The following MIS18BP1 variants were observed in gnomAD, a reference collection of about 807,000 sequenced individuals.
MIS18BP1 encodes mis18-binding protein 1.
Under a neutral mutation model 116.1 loss-of-function variants are expected in MIS18BP1, and 72 were observed. The ratio of observed to expected loss-of-function variants is 0.62; its 90% CI spans 0.51 to 0.75. The LOEUF (loss-of-function observed/expected upper bound fraction) is 0.75, where lower values mean the gene tolerates loss of function less well. MIS18BP1 is among the 30% of genes least tolerant of loss of function. The pLI, the probability that MIS18BP1 is intolerant of heterozygous loss-of-function variation, is 0.00. For synonymous variants in MIS18BP1, 386 were observed against 427.0 expected, an observed-to-expected ratio of 0.90 and a Z score of 1.18; for missense variants, 1,363 against 1,303.2, an observed-to-expected ratio of 1.05 and a Z score of -0.71.
chr14:45,224,046 A>C lies in MIS18BP1; in HGVS notation c.2541T>G (p.Gly847=). 6.2e-7 allele frequency: 1 copy of C among 1,613,872 alleles called. No individual in the cohort carries two copies. Among genetic ancestry groups the C allele is most frequent in the Non-Finnish European group, 8.5e-7 (1 of 1,179,964 alleles). The change falls in exon 11 of 17, where the codon GGT becomes GGG. Residue 847 remains glycine, a synonymous_variant. Transcript: ENST00000310806. ...PSVKETLQKS[G]VRKEFPITEA... ...CAGTAATTGGAAACTCTTTCCTAAC[A>C]CCAGACTTCTGAAGAGTTTCTTTGA...
rs2139167644 is a variant in MIS18BP1, at chr14:45,218,556, G to C, written c.2670-102C>G. On this transcript the variant is annotated intron_variant, in intron 11 of 16. Transcript: ENST00000310806. ...ATTGATGAGATTTACTGAGATGAAGGAATCAGTTTTATCAAAATCATTCTG... is the reference window on the plus strand; with the variant it reads ...ATTGATGAGATTTACTGAGATGAAGCAATCAGTTTTATCAAAATCATTCTG... 2.8e-6 allele frequency: 3 copies of C among 1,082,850 alleles called. No individual in the cohort carries two copies. The East Asian group carries it at 8.3e-5, about 30-fold the overall frequency. 67.1% of individuals were successfully genotyped at this position (1,082,850 alleles called of 1,614,324 possible).
At chr14:45,232,876 A>G (rs971473494) in intron 6 of MIS18BP1, 56 bp from the exon 7 acceptor site, 2 of 808,670 alleles carry the variant, frequency 2.5e-6, no homozygotes, top group East Asian at 2.7e-5. Context: ...TTTTAAACAG[A>G]TATCATTAAT....
chr14:45,231,429 A>T, intron 7 of MIS18BP1, 131 bp from the exon 8 acceptor site: 1 of 738,920 alleles, frequency 1.4e-6, no homozygotes, highest in South Asian at 2.2e-5. Flanking sequence ...CTTTAATCTT[A>T]CATTATTAAT....
rs745945937 is a variant in MIS18BP1, at chr14:45,210,461, G to A, written c.3071C>T (p.Thr1024Ile). 2.5e-6 allele frequency: 4 copies of A among 1,613,872 alleles called. No individual in the cohort carries two copies. Among genetic ancestry groups the A allele is most frequent in the Admixed American group, 1.7e-5 (1 of 59,990 alleles). ...CAATGGAAAGATAACTGATGATGGA[G>A]TTGTTGGATTTTTGTCCATATTTGG... ...ILPNMDKNPT[T>I]PSSVIFPLVK... Residue 1024 changes from threonine to isoleucine, a missense_variant, in exon 14 of 17, where the codon ACT (threonine) becomes ATT (isoleucine). Transcript: ENST00000310806.
intron 4 of MIS18BP1, among the ~76,000 whole-genome samples, chr14:45,239,175 T>A (rs994889482): frequency 6.6e-6 from 1 of 152,172 alleles, no homozygotes; most frequent in Admixed American, 6.5e-5. Context: ...TTCTACACAC[T>A]GTTTTAGATA....
chr14:45,217,278 G>A, intron 12 of MIS18BP1, 99 bp from the exon 13 acceptor site: 5 of 1,389,060 alleles, frequency 3.6e-6, no homozygotes, highest in Non-Finnish European at 4.9e-6. Context: ...GTGCATTCAT[G>A]TTAAAAAAAA....
chr14:45,227,694 T>G lies in MIS18BP1; in HGVS notation c.1715A>C (p.Gln572Pro). ...FPDDQVNNTI[Q>P]NGGGDDLSNQ... ...AGATAAGTCATCTCCTCCTCCATTT[T>G]GAATAGTATTATTTACTTGGTCATC... The change falls in exon 9 of 17, where the codon CAA (glutamine) becomes CCA (proline). Residue 572 changes from glutamine (Q) to proline (P), a missense_variant. Gln to Pro is a moderately conservative substitution (Grantham distance 76). Coordinates refer to ENST00000310806, the MANE Select transcript of MIS18BP1 (RefSeq NM_018353.5). The G allele has an allele frequency of 6.2e-7, 1 of 1,613,722 alleles. No homozygotes were observed. The highest frequency in any genetic ancestry group is 8.5e-7 in the Non-Finnish European group (1 of 1,179,618).
In MIS18BP1 at chr14:45,204,034, C is replaced by T. The variant is rs1890438840; in HGVS notation, c.*75G>A. On this transcript the variant is annotated 3_prime_UTR_variant, in exon 17 of 17. Transcript: ENST00000310806. The stretch of plus-strand genomic sequence containing the variant: ...AGGAAGCTACTTTACAAAGAAAATA[C>T]ATGTACTCCAGTTGAAAATACAAAC... 3 of 1,532,818 alleles carry T rather than the reference C, an allele frequency of 2.0e-6. No homozygotes were observed. Among genetic ancestry groups the T allele is most frequent in the East Asian group, 2.4e-5 (1 of 42,104 alleles). The allele number at this position is 1,532,818 out of a possible 1,614,324, so 95.0% of individuals were successfully genotyped here. A position where few individuals can be genotyped will look rare whatever the true frequency, so the allele number is the denominator to read the frequency against.
rs1190568988 is a variant in MIS18BP1, at chr14:45,217,308, G to A, written c.2843-129C>T. 4.6e-6 allele frequency: 5 copies of A among 1,077,344 alleles called. No homozygotes were observed. In the Admixed American group the frequency reaches 7.5e-5, roughly 16 times the overall value. The allele number at this position is 1,077,344 out of a possible 1,614,324, so 66.7% of individuals were successfully genotyped here. On this transcript the variant is annotated intron_variant, in intron 12 of 16. Transcript: ENST00000310806. Reference sequence around the variant, plus strand: ...AAAAAAACCAAAAAACTCAGCCTTGGCCAGGCTCAGTGGCTCATCCCTGTA... The same window carrying A: ...AAAAAAACCAAAAAACTCAGCCTTGACCAGGCTCAGTGGCTCATCCCTGTA...
chr14:45,245,222 A>T (rs925815898), intron 2 of MIS18BP1, among the ~76,000 whole-genome samples: 4 of 152,152 alleles, frequency 2.6e-5, no homozygotes, highest in Admixed American at 2.0e-4. Context: ...GTAGAATCTC[A>T]GCCTACTTGA....
At chr14:45,234,481 T>A (rs945490129) in intron 6 of MIS18BP1, among the ~76,000 whole-genome samples, 2 of 152,038 alleles carry the variant, frequency 1.3e-5, no homozygotes, top group African/African-American at 4.8e-5. Context: ...TAAAAGCAGG[T>A]GTTAATCCAA....
Position 45,203,915 on chromosome 14 carries a change from CA to C in MIS18BP1, c.*193del. ...TTACAGATATCTACACGAGCAAAAACAATTTTCTTTACATTTTTAGTAAGCT... is the reference window on the plus strand; with the variant it reads ...TTACAGATATCTACACGAGCAAAAACATTTTCTTTACATTTTTAGTAAGCT... On this transcript the variant is annotated 3_prime_UTR_variant, in exon 17 of 17. Transcript: ENST00000310806. 1 of 651,514 alleles carries C rather than the reference CA, an allele frequency of 1.5e-6. No individual in the cohort carries two copies. Among genetic ancestry groups the C allele is most frequent in the Non-Finnish European group, 2.2e-6 (1 of 454,886 alleles). The allele number at this position is 651,514 out of a possible 1,614,324, so 40.4% of individuals were successfully genotyped here. A position where few individuals can be genotyped will look rare whatever the true frequency, so the allele number is the denominator to read the frequency against.
rs1890455496 is a variant in MIS18BP1 at position 45,204,437 on chromosome 14, G to A, written c.3257C>T (p.Ser1086Leu). 1.2e-6 allele frequency: 2 copies of A among 1,604,308 alleles called. No individual in the cohort carries two copies. Among genetic ancestry groups the A allele is most frequent in the Middle Eastern group, 1.7e-4 (1 of 6,046 alleles). Residue 1086 changes from serine (S) to leucine (L), a missense_variant, in exon 16 of 17, where the codon TCA (serine) becomes TTA (leucine). Coordinates refer to ENST00000310806, the MANE Select transcript of MIS18BP1 (RefSeq NM_018353.5). ...IKKKLVETDF[S>L]TPTPRRKTPF... ...GGTTTTCCTTCTTGGTGTTGGAGTTGAGAAATCAGTTTCAACCTATAAAAG... is the reference window on the plus strand; with the variant it reads ...GGTTTTCCTTCTTGGTGTTGGAGTTAAGAAATCAGTTTCAACCTATAAAAG...
chr14:45,217,202 T>G (rs754997002), intron 12 of MIS18BP1, 23 bp from the exon 13 acceptor site: 2 of 1,610,018 alleles, frequency 1.2e-6, no homozygotes, highest in Admixed American at 3.4e-5. Context: ...CAAACCATTT[T>G]GATAAGGATT....
In MIS18BP1 at chr14:45,244,621, C is replaced by T. The variant is rs183041889; in HGVS notation, c.545-1747G>A. Reference sequence around the variant, plus strand: ...AACAGGGCTAAAGGAAAACTCACAGCCATATTTACTGGTTCCATTTTAAAT... The same window carrying T: ...AACAGGGCTAAAGGAAAACTCACAGTCATATTTACTGGTTCCATTTTAAAT... On this transcript the variant is annotated intron_variant, in intron 2 of 16. Coordinates refer to ENST00000310806, the MANE Select transcript of MIS18BP1 (RefSeq NM_018353.5). 1.6e-4 allele frequency among the ~76,000 whole-genome samples: 24 copies of T among 152,286 alleles called. No homozygotes were observed. The East Asian group carries it at 4.2e-3, about 27-fold the overall frequency.
intron 11 of MIS18BP1, among the ~76,000 whole-genome samples, chr14:45,223,066 AAAAAC>A (rs79248229): frequency 0.033 from 4,980 of 151,956 alleles, 169 homozygotes; most frequent in African/African-American, 0.086. Context: ...GAGAAAAGAC[AAAAAC>A]AAAACAAAAC....
At chr14:45,239,487 G>A (rs1174483794) in intron 4 of MIS18BP1, among the ~76,000 whole-genome samples, 2 of 152,170 alleles carry the variant, frequency 1.3e-5, no homozygotes, top group Non-Finnish European at 2.9e-5. Flanking sequence ...ATCCAGGTAG[G>A]CAGCATGGAA....
At chr14:45,233,942 A>G (rs1028204345) in intron 6 of MIS18BP1, among the ~76,000 whole-genome samples, 10 of 152,180 alleles carry the variant, frequency 6.6e-5, no homozygotes, top group African/African-American at 2.4e-4. Flanking sequence ...ATATTTAATG[A>G]CTAAAAGGAA....
intron 14 of MIS18BP1, among the ~76,000 whole-genome samples, chr14:45,206,756 C>G (rs139286561): frequency 6.6e-6 from 1 of 152,188 alleles, no homozygotes; most frequent in Non-Finnish European, 1.5e-5. Context: ...GTACCGTCTA[C>G]GCTCTTTCCG....
Sources: gnomAD v4.1 joint callset for allele counts (sites outside exome capture counted in the v4.1 genomes callset) on GRCh38, gnomAD v4.1.1 for gene constraint, MANE v1.5 for transcripts, NCBI Gene and HGNC (gene_info 2026-07-23, HGNC 2026-07-21) for gene names.